The following ROBO2 variants were observed in gnomAD, a reference collection of about 807,000 sequenced individuals.
ROBO2 encodes the protein roundabout homolog 2.
ROBO2 carries 53 observed loss-of-function variants against 160.8 expected under a neutral mutation model. That is an observed-to-expected ratio of 0.33 (90% confidence interval 0.26 to 0.41). The LOEUF is 0.41. Ranked by LOEUF, ROBO2 falls within the 10% of genes least tolerant of loss-of-function variation. The pLI is 1.00. For missense variants in ROBO2, 1,577 were observed against 1,722.4 expected (o/e 0.92, Z 1.49); for synonymous variants, 664 against 611.7 (o/e 1.09, Z -1.26).
At chr3:77,163,713 A>G (rs1301627459) in intron 2 of ROBO2, among the ~76,000 whole-genome samples, 1 of 152,198 alleles carries the variant, frequency 6.6e-6, no homozygotes, top group African/African-American at 2.4e-5. Context: ...ACTTACACCT[A>G]ATATTTGGAC....
At chr3:76,704,056 A>G (rs371280266) in intron 2 of ROBO2, among the ~76,000 whole-genome samples, 1 of 151,546 alleles carries the variant, frequency 6.6e-6, no homozygotes. Flanking sequence ...GTACATCATT[A>G]TACTTTTTTC....
chr3:76,512,320 A>ATG (rs1553779782), intron 2 of ROBO2, among the ~76,000 whole-genome samples: 14 of 92,174 alleles, frequency 1.5e-4, no homozygotes, highest in East Asian at 4.0e-4. Flanking sequence ...ATATATATAT[A>ATG]TGTATATATA....
chr3:75,918,053 C>T (rs1007107247), intron 1 of ROBO2, among the ~76,000 whole-genome samples: 1 of 152,150 alleles, frequency 6.6e-6, no homozygotes, highest in Non-Finnish European at 1.5e-5. Context: ...TTCCATCTGT[C>T]AATTTTGGCT....
intron 2 of ROBO2, among the ~76,000 whole-genome samples, chr3:76,927,363 T>G (rs1207809207): frequency 1.3e-5 from 2 of 152,300 alleles, no homozygotes; most frequent in Middle Eastern, 3.4e-3. Flanking sequence ...TCCAAACTTC[T>G]AAGGACATTT....
At chr3:77,484,276 G>T (rs1042757933) in intron 4 of ROBO2, among the ~76,000 whole-genome samples, 1 of 151,970 alleles carries the variant, frequency 6.6e-6, no homozygotes, top group Admixed American at 6.6e-5. Flanking sequence ...GAAGATCCTG[G>T]ATGGCAGAGA....
At chr3:76,236,128 T>C (rs1704929012) in intron 2 of ROBO2, among the ~76,000 whole-genome samples, 1 of 152,108 alleles carries the variant, frequency 6.6e-6, no homozygotes, top group South Asian at 2.1e-4. Flanking sequence ...TTGCTATTAA[T>C]AATAAAGTTA....
At chr3:75,907,852 CGT>C (rs56058203) in intron 1 of ROBO2, among the ~76,000 whole-genome samples, 3,002 of 148,630 alleles carry the variant, frequency 0.02, 92 homozygotes, top group African/African-American at 0.069. Context: ...TAATCGTGTG[CGT>C]GTGTGTGTGT....
chr3:76,500,156 TCACCCGGGTTGGAGTGCAATGACA>T lies in ROBO2; in HGVS notation c.109+562557_109+562580del, dbSNP rs1322223791. Among the ~76,000 whole-genome samples, 3 of 152,174 alleles carry T rather than the reference TCACCCGGGTTGGAGTGCAATGACA, an allele frequency of 2.0e-5. No homozygotes were observed. In the East Asian group the frequency reaches 5.8e-4, roughly 29 times the overall value. On this transcript the variant is annotated intron_variant, in intron 2 of 26. Coordinates refer to the ROBO2 transcript ENST00000487694. ...TTTTATTAGAGATAATCTCAATCTG[TCACCCGGGTTGGAGTGCAATGACA>T]CAATCACAGCTCACTGCGTCCTTGA...
At chr3:77,371,725 G>T (rs1581424005) in intron 2 of ROBO2, among the ~76,000 whole-genome samples, 1 of 152,304 alleles carries the variant, frequency 6.6e-6, no homozygotes, top group East Asian at 1.9e-4. Flanking sequence ...GAAAGTTTAA[G>T]AATGACCTGC....
At chr3:76,551,441 C>T (rs749830895) in intron 2 of ROBO2, among the ~76,000 whole-genome samples, 17 of 152,048 alleles carry the variant, frequency 1.1e-4, no homozygotes, top group South Asian at 2.1e-4. Flanking sequence ...TGTCCACGTA[C>T]CTCATTCATC....
intron 2 of ROBO2, among the ~76,000 whole-genome samples, chr3:77,319,945 T>C (rs1281078321): frequency 1.3e-5 from 2 of 152,200 alleles, no homozygotes; most frequent in African/African-American, 4.8e-5. Context: ...GGTCAATCCA[T>C]GACTTATCAG....
At chr3:76,684,195 G>A (rs1286745963) in intron 2 of ROBO2, among the ~76,000 whole-genome samples, 1 of 152,084 alleles carries the variant, frequency 6.6e-6, no homozygotes, top group South Asian at 2.1e-4. Flanking sequence ...ATTTCATGCT[G>A]TGAAATTGTC....
At position 77,360,845 on chromosome 3, in the gene ROBO2, A is replaced by C. The variant is rs540657610; in HGVS notation, c.389-116569A>C. Among the ~76,000 whole-genome samples, 4 of 151,852 alleles carry C rather than the reference A, an allele frequency of 2.6e-5. No homozygotes were observed. In the South Asian group the frequency reaches 8.3e-4, roughly 32 times the overall value. ...GACCACATTCTATATTTTGGGAAGC[A>C]TCCAAAGGTTTTCTTAGGGACTTGA... On this transcript the variant is annotated intron_variant, in intron 2 of 25. Transcript: ENST00000461745.
In ROBO2 at chr3:77,558,852, A is replaced by T. The variant is rs371820084; in HGVS notation, c.1437+703A>T. Among the ~76,000 whole-genome samples, 5 of 152,094 alleles carry T rather than the reference A, an allele frequency of 3.3e-5. No homozygotes were observed. In the East Asian group the frequency reaches 7.7e-4, roughly 24 times the overall value. The stretch of plus-strand genomic sequence containing the variant: ...AATACAGTGGCTAAAAGCAACACAC[A>T]TTTATTACATCACAGTTTCTGTGAG... On this transcript the variant is annotated intron_variant, in intron 9 of 25. Coordinates refer to ENST00000461745, the Ensembl canonical transcript of ROBO2.
intron 2 of ROBO2, among the ~76,000 whole-genome samples, chr3:76,807,528 C>T (rs1416873989): frequency 6.6e-6 from 1 of 152,032 alleles, no homozygotes; most frequent in East Asian, 1.9e-4. Context: ...CTTATTAACT[C>T]ATCAAAAATT....
intron 2 of ROBO2, among the ~76,000 whole-genome samples, chr3:76,523,213 G>C (rs1051712858): frequency 2.0e-5 from 3 of 151,756 alleles, no homozygotes; most frequent in Admixed American, 2.0e-4. Context: ...TGGTGTGTGT[G>C]ATATGCCTGT....
chr3:77,432,605 A>T (rs958402777), intron 2 of ROBO2, among the ~76,000 whole-genome samples: 7 of 152,282 alleles, frequency 4.6e-5, no homozygotes, highest in African/African-American at 1.7e-4. Context: ...ATTTATTAGC[A>T]TATTGTCTAT....
In ROBO2 at chr3:77,187,852, G is replaced by A. The variant is rs11713628; in HGVS notation, c.388+89512G>A. On this transcript the variant is annotated intron_variant, in intron 2 of 25. Transcript: ENST00000461745. ...CTTTCATCATAGACCATTGAAATAA[G>A]TAGCAGAAAATGACTTTGCTTTTTT... is the stretch of plus-strand genomic sequence containing the variant. 4.0e-5 allele frequency among the ~76,000 whole-genome samples: 6 copies of A among 151,762 alleles called. No homozygotes were observed. In the East Asian group the frequency reaches 1.2e-3, roughly 29 times the overall value.
intron 2 of ROBO2, among the ~76,000 whole-genome samples, chr3:77,329,681 T>G (rs1404356938): frequency 6.6e-6 from 1 of 152,188 alleles, no homozygotes; most frequent in East Asian, 1.9e-4. Context: ...TCACATTGGG[T>G]CTATACTTCC....
Sources: gnomAD v4.1 joint callset for allele counts (sites outside exome capture counted in the v4.1 genomes callset) on GRCh38, gnomAD v4.1.1 for gene constraint, MANE v1.5 for transcripts, NCBI Gene and HGNC (gene_info 2026-07-23, HGNC 2026-07-21) for gene names.